TMEM244: variants seen among roughly 807,000 people sequenced by gnomAD.
The protein encoded by TMEM244 is putative transmembrane protein 244.
TMEM244 carries 13 observed loss-of-function variants against 15.8 expected under a neutral mutation model. The ratio of observed to expected loss-of-function variants is 0.82; its 90% CI spans 0.53 to 1.30. The LOEUF (loss-of-function observed/expected upper bound fraction) is 1.30. Ranked by LOEUF, TMEM244 falls within the 50% of genes most tolerant of loss-of-function variation. The pLI, the probability that TMEM244 is intolerant of heterozygous loss-of-function variation, is 0.00. For missense variants in TMEM244, 161 were observed against 144.9 expected, an observed-to-expected ratio of 1.11 and a Z score of -0.57; for synonymous variants, 45 against 48.7, an observed-to-expected ratio of 0.92 and a Z score of 0.32.
intron 3 of TMEM244, 74 bp downstream of exon 3, chr6:129,843,456 T>G: frequency 9.3e-7 from 1 of 1,072,804 alleles, no homozygotes; most frequent in Non-Finnish European, 1.4e-6. Flanking sequence ...TTTAAAATTT[T>G]TTTATTAAAA....
chr6:129,835,793 TGCTCACTGCTAGTGCA>T (rs928690152), intron 3 of TMEM244, among the ~76,000 whole-genome samples: 1 of 152,178 alleles, frequency 6.6e-6, no homozygotes, highest in Non-Finnish European at 1.5e-5. Flanking sequence ...CACGGAGCCT[TGCTCACTGCTAGTGCA>T]GCAGTCTGAG....
At chr6:129,833,037 T>A (rs1776352250) in intron 4 of TMEM244, among the ~76,000 whole-genome samples, 1 of 152,018 alleles carries the variant, frequency 6.6e-6, no homozygotes, top group African/African-American at 2.4e-5. Context: ...GATTGGATGT[T>A]GAAAAAGAAA....
intron 1 of TMEM244, among the ~76,000 whole-genome samples, chr6:129,846,347 A>G (rs914080018): frequency 1.6e-4 from 25 of 152,246 alleles, no homozygotes; most frequent in Non-Finnish European, 2.8e-4. Context: ...CAGAAAACCT[A>G]CAAATAGTAA....
intron 1 of TMEM244, among the ~76,000 whole-genome samples, chr6:129,849,945 C>T (rs1225814506): frequency 1.3e-5 from 2 of 152,154 alleles, no homozygotes; most frequent in Non-Finnish European, 2.9e-5. Flanking sequence ...CTTGACAACA[C>T]TTATTTTAGG....
At chr6:129,842,825 C>T (rs908892250) in intron 3 of TMEM244, among the ~76,000 whole-genome samples, 2 of 150,850 alleles carry the variant, frequency 1.3e-5, no homozygotes, top group African/African-American at 4.9e-5. Flanking sequence ...CCATGAAGCT[C>T]CCCCAAACAA....
intron 1 of TMEM244, among the ~76,000 whole-genome samples, chr6:129,852,904 C>T (rs906045544): frequency 6.6e-6 from 1 of 152,124 alleles, no homozygotes; most frequent in Non-Finnish European, 1.5e-5. Context: ...TCTTTTCTCC[C>T]TCAAGACCTG....
intron 3 of TMEM244, among the ~76,000 whole-genome samples, chr6:129,838,233 A>T (rs188230847): frequency 6.6e-6 from 1 of 151,354 alleles, no homozygotes; most frequent in African/African-American, 2.4e-5. Flanking sequence ...TCTCAGACTG[A>T]TCTCTCAGAT....
intron 4 of TMEM244, among the ~76,000 whole-genome samples, chr6:129,831,651 T>A (rs1001005614): frequency 3.9e-5 from 6 of 152,164 alleles, no homozygotes; most frequent in Admixed American, 6.5e-5. Flanking sequence ...TAAGTGATGA[T>A]CCTCGGGCCG....
chr6:129,841,576 A>C (rs72993223), intron 3 of TMEM244, among the ~76,000 whole-genome samples: 15,818 of 152,120 alleles, frequency 0.1, 1,118 homozygotes, highest in Non-Finnish European at 0.16. Context: ...TAATAATAAT[A>C]AAAAAGAGTT....
chr6:129,831,656 G>A (rs7742808), intron 4 of TMEM244, among the ~76,000 whole-genome samples: 88,413 of 151,980 alleles, frequency 0.58, 26,778 homozygotes, highest in Non-Finnish European at 0.65. Flanking sequence ...GATGATCCTC[G>A]GGCCGTCCTG....
chr6:129,848,017 G>A (rs777352332), intron 1 of TMEM244, among the ~76,000 whole-genome samples: 18 of 151,928 alleles, frequency 1.2e-4, no homozygotes, highest in East Asian at 1.9e-4. Context: ...CAGGTGATCC[G>A]CCTGCGTCAG....
chr6:129,850,038 A>G (rs569416983), intron 1 of TMEM244, among the ~76,000 whole-genome samples: 2 of 152,244 alleles, frequency 1.3e-5, no homozygotes, highest in African/African-American at 4.8e-5. Flanking sequence ...TTTTTTAGAG[A>G]GAAGGAAAAT....
intron 1 of TMEM244, among the ~76,000 whole-genome samples, chr6:129,848,266 C>T (rs189917363): frequency 6.6e-6 from 1 of 152,268 alleles, no homozygotes; most frequent in East Asian, 1.9e-4. Flanking sequence ...GACATTCTTC[C>T]CACAGCTGTC....
At chr6:129,852,255 G>T (rs772566901) in intron 1 of TMEM244, among the ~76,000 whole-genome samples, 2 of 151,918 alleles carry the variant, frequency 1.3e-5, no homozygotes, top group African/African-American at 4.8e-5. Context: ...TTATTCAACC[G>T]GTGAGCATCT....
intron 1 of TMEM244, among the ~76,000 whole-genome samples, chr6:129,850,874 T>C (rs924227867): frequency 6.6e-6 from 1 of 152,230 alleles, no homozygotes; most frequent in Non-Finnish European, 1.5e-5. Flanking sequence ...GTGTGGCCAG[T>C]GGCTGCCACG....
chr6:129,835,812 A>T (rs1454411900), intron 3 of TMEM244, among the ~76,000 whole-genome samples: 1 of 152,190 alleles, frequency 6.6e-6, no homozygotes, highest in Non-Finnish European at 1.5e-5. Flanking sequence ...CTAGTGCAGC[A>T]GTCTGAGATA....
chr6:129,840,256 A>G (rs1776470060), intron 3 of TMEM244, among the ~76,000 whole-genome samples: 1 of 152,198 alleles, frequency 6.6e-6, no homozygotes, highest in Admixed American at 6.5e-5. Context: ...AACAGAACAG[A>G]GGCCTCAAGA....
chr6:129,844,399 A>T (rs1776534739), intron 2 of TMEM244, among the ~76,000 whole-genome samples: 1 of 152,196 alleles, frequency 6.6e-6, no homozygotes, highest in African/African-American at 2.4e-5. Flanking sequence ...ACAGGTTCTA[A>T]TCCTGGTGGT....
At chr6:129,841,817 A>G (rs1776495036) in intron 3 of TMEM244, among the ~76,000 whole-genome samples, 1 of 152,156 alleles carries the variant, frequency 6.6e-6, no homozygotes, top group Non-Finnish European at 1.5e-5. Flanking sequence ...CCTGGGTGAC[A>G]AAATTATTGA....
Sources: allele counts gnomAD v4.1 joint callset (sites outside exome capture counted in the v4.1 genomes callset), GRCh38; gene constraint gnomAD v4.1.1; transcripts MANE v1.5; gene names NCBI Gene and HGNC (gene_info 2026-07-23, HGNC 2026-07-21).